The following ZFAND3 variants were observed in gnomAD, a reference collection of about 807,000 sequenced individuals.
ZFAND3 encodes the protein AN1-type zinc finger protein 3.
In ZFAND3, 10 loss-of-function variants were observed where a neutral mutation model predicts 29.6. That is an observed-to-expected ratio of 0.34 (90% CI 0.21 to 0.57). The LOEUF (loss-of-function observed/expected upper bound fraction) is 0.57, where lower values mean the gene tolerates loss of function less well. Ranked by LOEUF, ZFAND3 falls within the 20% of genes least tolerant of loss-of-function variation. The pLI is 0.86. For missense variants in ZFAND3, 230 were observed against 304.5 expected (o/e 0.76, Z 1.82); for synonymous variants, 128 against 112.6 (o/e 1.14, Z -0.87).
chr6:37,833,922 C>T (rs560385552), intron 1 of ZFAND3, among the ~76,000 whole-genome samples: 1 of 152,130 alleles, frequency 6.6e-6, no homozygotes, highest in East Asian at 1.9e-4. Context: ...CCCATATACC[C>T]TTTAACTGTC....
chr6:38,067,009 T>C (rs962660021), intron 3 of ZFAND3, among the ~76,000 whole-genome samples: 5 of 152,164 alleles, frequency 3.3e-5, no homozygotes, highest in Non-Finnish European at 5.9e-5. Flanking sequence ...AAAATTCAAA[T>C]AGTGACTAAA....
chr6:37,902,531 C>T (rs775181163), intron 1 of ZFAND3, among the ~76,000 whole-genome samples: 5 of 152,126 alleles, frequency 3.3e-5, no homozygotes, highest in Middle Eastern at 6.8e-3. Flanking sequence ...ACAAATATAA[C>T]GTTAGTAAAA....
At chr6:37,866,436 A>G (rs1267243099) in intron 1 of ZFAND3, among the ~76,000 whole-genome samples, 3 of 152,126 alleles carry the variant, frequency 2.0e-5, no homozygotes, top group African/African-American at 7.2e-5. Context: ...TTTTTCTTAG[A>G]TGATTAATAA....
chr6:38,047,841 AT>A (rs1382999580), intron 2 of ZFAND3, among the ~76,000 whole-genome samples: 1 of 152,184 alleles, frequency 6.6e-6, no homozygotes, highest in East Asian at 1.9e-4. Context: ...ATCAAAACAA[AT>A]AAACCATTGT....
At chr6:37,897,447 T>A (rs1464799309) in intron 1 of ZFAND3, among the ~76,000 whole-genome samples, 1 of 152,218 alleles carries the variant, frequency 6.6e-6, no homozygotes, top group African/African-American at 2.4e-5. Flanking sequence ...ATCTTCCGTC[T>A]TTGTTAGGTG....
At chr6:37,932,282 TAAAA>T (rs1761613188) in intron 2 of ZFAND3, among the ~76,000 whole-genome samples, 1 of 151,162 alleles carries the variant, frequency 6.6e-6, no homozygotes, top group Non-Finnish European at 1.5e-5. Flanking sequence ...AATAAATAAA[TAAAA>T]GGACTGTATT....
Position 38,152,627 on chromosome 6 carries a change from ATTT to A in ZFAND3, c.*246_*248del. The A allele has an allele frequency of 2.6e-6, 3 of 1,172,502 alleles. No homozygotes were observed. Among genetic ancestry groups the A allele is most frequent in the Non-Finnish European group, 2.1e-6 (2 of 944,952 alleles). The allele number at this position is 1,172,502 out of a possible 1,614,324, so 72.6% of individuals were successfully genotyped here. A position where few individuals can be genotyped will look rare whatever the true frequency, so the allele number is the denominator to read the frequency against. ...TGTATAAAATTAAAACATGAAGAAT[ATTT>A]TTTTTTTGAGCATGGCTAGTGGATT... is the stretch of plus-strand genomic sequence containing the variant. On this transcript the variant is annotated 3_prime_UTR_variant, in exon 6 of 6. Coordinates refer to ENST00000287218, the MANE Select transcript of ZFAND3 (RefSeq NM_021943.3).
At chr6:38,072,241 T>C (rs1466155084) in intron 3 of ZFAND3, among the ~76,000 whole-genome samples, 1 of 152,220 alleles carries the variant, frequency 6.6e-6, no homozygotes. Flanking sequence ...ATTTATCACC[T>C]AAATTTCCCT....
At chr6:37,821,245 G>A (rs1214455565) in intron 1 of ZFAND3, among the ~76,000 whole-genome samples, 1 of 152,118 alleles carries the variant, frequency 6.6e-6, no homozygotes, top group Non-Finnish European at 1.5e-5. Flanking sequence ...GGAAGTTGTC[G>A]TATCTCAAGG....
chr6:37,890,414 A>G (rs1765074314), intron 1 of ZFAND3, among the ~76,000 whole-genome samples: 1 of 152,224 alleles, frequency 6.6e-6, no homozygotes, highest in South Asian at 2.1e-4. Context: ...CCTGAGAGCC[A>G]GAAGCCCTCA....
chr6:38,144,190 TATATATATATATATATATATA>T (rs1766030250), intron 5 of ZFAND3, among the ~76,000 whole-genome samples: 2 of 41,170 alleles, frequency 4.9e-5, no homozygotes, highest in African/African-American at 2.6e-4. Flanking sequence ...ATATAATATA[TATATATATATATATATATATA>T]ATATATAATA....
At chr6:38,095,975 G>A (rs1764969185) in intron 4 of ZFAND3, among the ~76,000 whole-genome samples, 1 of 152,098 alleles carries the variant, frequency 6.6e-6, no homozygotes, top group African/African-American at 2.4e-5. Flanking sequence ...CGTGGCTACA[G>A]CGAGCCATGA....
intron 2 of ZFAND3, among the ~76,000 whole-genome samples, chr6:37,996,635 C>G (rs1327276007): frequency 6.6e-6 from 1 of 152,040 alleles, no homozygotes; most frequent in South Asian, 2.1e-4. Context: ...TGAAGGGATA[C>G]ATTAACTTTT....
chr6:37,953,041 G>A (rs898303107), intron 2 of ZFAND3, among the ~76,000 whole-genome samples: 4 of 151,688 alleles, frequency 2.6e-5, no homozygotes, highest in African/African-American at 2.4e-5. Context: ...TTTTCTTGTA[G>A]GAAGTAGGTA....
At chr6:38,143,956 T>C (rs1006977259) in intron 5 of ZFAND3, among the ~76,000 whole-genome samples, 3 of 151,996 alleles carry the variant, frequency 2.0e-5, no homozygotes, top group Non-Finnish European at 4.4e-5. Flanking sequence ...TCCTTTAATA[T>C]AATACATTTC....
intron 2 of ZFAND3, among the ~76,000 whole-genome samples, chr6:38,017,447 GT>G (rs535836501): frequency 4.6e-5 from 7 of 152,138 alleles, no homozygotes; most frequent in East Asian, 1.9e-4. Context: ...CATTTCTGAG[GT>G]ATCTCAGTGT....
intron 2 of ZFAND3, among the ~76,000 whole-genome samples, chr6:38,043,916 T>A (rs1763846153): frequency 6.6e-6 from 1 of 152,138 alleles, no homozygotes; most frequent in Non-Finnish European, 1.5e-5. Flanking sequence ...GTGCTGGAAT[T>A]ACAGGTGTGA....
intron 2 of ZFAND3, among the ~76,000 whole-genome samples, chr6:37,954,474 C>G (rs934701438): frequency 6.6e-6 from 1 of 152,276 alleles, no homozygotes; most frequent in Admixed American, 6.5e-5. Context: ...AGTGTATTTT[C>G]AATCTCACAT....
chr6:38,152,409 C>T lies in ZFAND3; in HGVS notation c.*20C>T, dbSNP rs773078369. On this transcript the variant is annotated 3_prime_UTR_variant, in exon 6 of 6. Transcript: ENST00000287218. ...TCCTGAAGGCCAGGCATGGCCACCACGTGACGCTGTTCTTAGTTCACTAAT... is the reference window on the plus strand; with the variant it reads ...TCCTGAAGGCCAGGCATGGCCACCATGTGACGCTGTTCTTAGTTCACTAAT... 2.6e-6 allele frequency: 4 copies of T among 1,553,524 alleles called. No homozygotes were observed. Among genetic ancestry groups the T allele is most frequent in the East Asian group, 2.3e-5 (1 of 43,578 alleles).
Sources: allele counts gnomAD v4.1 joint callset (sites outside exome capture counted in the v4.1 genomes callset), GRCh38; gene constraint gnomAD v4.1.1; transcripts MANE v1.5; gene names NCBI Gene and HGNC (gene_info 2026-07-23, HGNC 2026-07-21).